The following LUZP2 variants were observed in gnomAD, a reference collection of about 807,000 sequenced individuals.
LUZP2 encodes the protein leucine zipper protein 2.
In LUZP2, 52 loss-of-function variants were observed where a neutral mutation model predicts 51.6. That is an observed-to-expected ratio of 1.01 (90% confidence interval 0.81 to 1.27). The LOEUF (loss-of-function observed/expected upper bound fraction) is 1.27. Among genes scored for constraint, LUZP2 ranks in the 50% most tolerant of loss-of-function variants. LUZP2 has a pLI of 0.00. For missense variants in LUZP2, 436 were observed against 395.4 expected, an observed-to-expected ratio of 1.10 and a Z score of -0.87; for synonymous variants, 154 against 137.3, an observed-to-expected ratio of 1.12 and a Z score of -0.85.
intron 1 of LUZP2, among the ~76,000 whole-genome samples, chr11:24,628,627 C>T (rs1043944204): frequency 3.3e-5 from 5 of 152,076 alleles, no homozygotes; most frequent in Admixed American, 6.6e-5. Context: ...GGTGCCATCT[C>T]GGCTCACTGC....
intron 1 of LUZP2, among the ~76,000 whole-genome samples, chr11:24,688,911 T>C (rs773509656): frequency 6.6e-6 from 1 of 152,112 alleles, no homozygotes; most frequent in Non-Finnish European, 1.5e-5. Flanking sequence ...AAGATCTAGT[T>C]AAAGATCTCA....
intron 1 of LUZP2, among the ~76,000 whole-genome samples, chr11:24,601,884 A>C (rs1201458079): frequency 7.1e-5 from 2 of 28,282 alleles, no homozygotes; most frequent in African/African-American, 1.1e-4. Context: ...ATACATGTAT[A>C]TATGTATATA....
chr11:24,571,838 T>C (rs576276371), intron 1 of LUZP2, among the ~76,000 whole-genome samples: 27 of 152,226 alleles, frequency 1.8e-4, no homozygotes, highest in African/African-American at 5.5e-4. Context: ...TATTTACTTA[T>C]ATAGGGAAAT....
intron 1 of LUZP2, among the ~76,000 whole-genome samples, chr11:24,697,719 C>A (rs1277948299): frequency 6.6e-6 from 1 of 152,296 alleles, no homozygotes; most frequent in African/African-American, 2.4e-5. Flanking sequence ...TAAGCAATAA[C>A]CAGCCATTGT....
chr11:24,850,927 G>T (rs747019817), intron 5 of LUZP2, among the ~76,000 whole-genome samples: 12 of 151,742 alleles, frequency 7.9e-5, no homozygotes, highest in African/African-American at 1.5e-4. Context: ...TATTATTGGT[G>T]TATAGAAACG....
At chr11:24,744,298 C>T (rs1490722907) in intron 4 of LUZP2, among the ~76,000 whole-genome samples, 3 of 152,078 alleles carry the variant, frequency 2.0e-5, no homozygotes, top group Non-Finnish European at 2.9e-5. Context: ...ACCAATTCTT[C>T]TTTGAATATC....
At chr11:25,017,555 A>T (rs1419278367) in intron 9 of LUZP2, among the ~76,000 whole-genome samples, 1 of 152,088 alleles carries the variant, frequency 6.6e-6, no homozygotes. Context: ...TTTGTCGAAG[A>T]TTAGTTTGTT....
chr11:24,876,418 C>T lies in LUZP2; in HGVS notation c.397-29573C>T, dbSNP rs548459986. Among the ~76,000 whole-genome samples, 7 of 149,032 alleles carry T rather than the reference C, an allele frequency of 4.7e-5. No individual in the cohort carries two copies. In the South Asian group the frequency reaches 6.5e-4, roughly 14 times the overall value. ...AGATGAGATAGTTGTAGATATGCGGCGTTATTTCTGAGGGCTCTGCTCTGT... is the reference window on the plus strand; with the variant it reads ...AGATGAGATAGTTGTAGATATGCGGTGTTATTTCTGAGGGCTCTGCTCTGT... On this transcript the variant is annotated intron_variant, in intron 5 of 11. Coordinates refer to ENST00000336930, the MANE Select transcript of LUZP2 (RefSeq NM_001009909.4).
At position 24,743,910 on chromosome 11, in the gene LUZP2, G is replaced by C. The variant is rs73440930; in HGVS notation, c.333+5608G>C. Reference sequence around the variant, plus strand: ...AGGTTTTAATCATAAAGGGACGCTGGGTTTTGGAGAATGCTTGTTCTGATG... The same window carrying C: ...AGGTTTTAATCATAAAGGGACGCTGCGTTTTGGAGAATGCTTGTTCTGATG... On this transcript the variant is annotated intron_variant, in intron 4 of 11. Transcript: ENST00000336930. Among the ~76,000 whole-genome samples the C allele has an allele frequency of 5.4e-3, 819 of 151,992 alleles. 14 individuals are homozygous for C. The highest frequency in any genetic ancestry group is 0.018 in the African/African-American group (764 of 41,504).
At chr11:24,623,018 T>C (rs1216282050) in intron 1 of LUZP2, among the ~76,000 whole-genome samples, 1 of 152,038 alleles carries the variant, frequency 6.6e-6, no homozygotes, top group Non-Finnish European at 1.5e-5. Context: ...CAATTTCCAT[T>C]CCGCCCCGAT....
At chr11:24,915,750 C>T (rs1379767676) in intron 7 of LUZP2, among the ~76,000 whole-genome samples, 1 of 151,844 alleles carries the variant, frequency 6.6e-6, no homozygotes, top group African/African-American at 2.4e-5. Flanking sequence ...ACAGTAGAAA[C>T]TCAACTGTTA....
chr11:24,753,877 A>G (rs1213744502), intron 4 of LUZP2, among the ~76,000 whole-genome samples: 1 of 152,108 alleles, frequency 6.6e-6, no homozygotes, highest in Non-Finnish European at 1.5e-5. Flanking sequence ...TCTCATTGTA[A>G]TCTTTTAAAA....
chr11:25,012,570 C>T (rs1857016188), intron 9 of LUZP2, among the ~76,000 whole-genome samples: 1 of 152,122 alleles, frequency 6.6e-6, no homozygotes, highest in African/African-American at 2.4e-5. Context: ...CAGTCAGAAG[C>T]ATGCCCTTAG....
intron 9 of LUZP2, among the ~76,000 whole-genome samples, chr11:25,031,038 A>G (rs1296088097): frequency 1.9e-5 from 2 of 106,534 alleles, no homozygotes; most frequent in South Asian, 2.9e-4. Flanking sequence ...TTTGAGACAG[A>G]GTCTCACTCT....
At chr11:24,765,818 G>A (rs1860169725) in intron 5 of LUZP2, among the ~76,000 whole-genome samples, 1 of 151,912 alleles carries the variant, frequency 6.6e-6, no homozygotes, top group Admixed American at 6.6e-5. Context: ...AATGAAGACA[G>A]GGTTTCACTG....
At chr11:24,631,469 G>C (rs1854887169) in intron 1 of LUZP2, among the ~76,000 whole-genome samples, 1 of 151,418 alleles carries the variant, frequency 6.6e-6, no homozygotes, top group South Asian at 2.1e-4. Context: ...TGTGCCTATA[G>C]AGAGATCAGA....
chr11:25,001,613 T>A (rs941346253), intron 9 of LUZP2, among the ~76,000 whole-genome samples: 4 of 152,222 alleles, frequency 2.6e-5, no homozygotes, highest in African/African-American at 9.6e-5. Context: ...AGACCTTCAA[T>A]TATCAATTAT....
At chr11:24,665,423 G>A (rs1856181045) in intron 1 of LUZP2, among the ~76,000 whole-genome samples, 1 of 152,148 alleles carries the variant, frequency 6.6e-6, no homozygotes, top group Non-Finnish European at 1.5e-5. Flanking sequence ...AATGAGTTAA[G>A]ACTTTGGGAG....
chr11:24,805,007 CTT>C (rs71044307), intron 5 of LUZP2, among the ~76,000 whole-genome samples: 1 of 141,570 alleles, frequency 7.1e-6, no homozygotes, highest in African/African-American at 2.6e-5. Flanking sequence ...ACCCGGCTAA[CTT>C]TTTTTTTTTT....
Sources: allele counts gnomAD v4.1 joint callset (sites outside exome capture counted in the v4.1 genomes callset), GRCh38; gene constraint gnomAD v4.1.1; transcripts MANE v1.5; gene names NCBI Gene and HGNC (gene_info 2026-07-23, HGNC 2026-07-21).